The following NISCH variants were observed in gnomAD, a reference collection of about 807,000 sequenced individuals.
NISCH encodes nischarin, also known as I-1 receptor candidate protein.
A neutral mutation model predicts 138.4 loss-of-function variants in NISCH; 55 were observed. The observed-to-expected ratio is 0.40, with a 90% CI of 0.32 to 0.50. NISCH has a LOEUF of 0.50. Among genes scored for constraint, NISCH ranks in the 20% least tolerant of loss-of-function variants. The pLI, the probability that NISCH is intolerant of heterozygous loss-of-function variation, is 0.71. For missense variants in NISCH, 1,643 were observed against 2,005.5 expected, an observed-to-expected ratio of 0.82 and a Z score of 3.45; for synonymous variants, 860 against 861.5, an observed-to-expected ratio of 1.00 and a Z score of 0.03.
chr3:52,460,895 C>T (rs1706612909), intron 3 of NISCH, among the ~76,000 whole-genome samples: 1 of 152,056 alleles, frequency 6.6e-6, no homozygotes, highest in Non-Finnish European at 1.5e-5. Context: ...TCAGGCTCAC[C>T]TTGAAGTAAC....
At chr3:52,481,989 T>C (rs1707289003) in intron 13 of NISCH, 2 of 911,678 alleles carry the variant, frequency 2.2e-6, no homozygotes, top group Admixed American at 1.2e-4. Context: ...GTCTCCGCTC[T>C]ATCCGCTGAG....
chr3:52,461,404 G>T (rs1242082317), intron 3 of NISCH, among the ~76,000 whole-genome samples: 2 of 152,148 alleles, frequency 1.3e-5, no homozygotes, highest in Non-Finnish European at 2.9e-5. Flanking sequence ...TCACAGATGG[G>T]ACCTGTGTAT....
chr3:52,466,393 T>G (rs1706780017), intron 3 of NISCH, among the ~76,000 whole-genome samples: 1 of 151,956 alleles, frequency 6.6e-6, no homozygotes, highest in Non-Finnish European at 1.5e-5. Flanking sequence ...GTGAAACCCC[T>G]TCTTCACTAA....
chr3:52,471,449 G>C, intron 4 of NISCH: 1 of 351,146 alleles, frequency 2.8e-6, no homozygotes, highest in Non-Finnish European at 5.3e-6. Context: ...ATAGGCCTGC[G>C]CCTGACCTGG....
rs183780682 is a variant in NISCH, at chr3:52,490,361, G to A, written c.3613+130G>A. On this transcript the variant is annotated intron_variant, in intron 18 of 20. Transcript: ENST00000345716. Reference sequence around the variant, plus strand: ...GCGACTTGGCTGCAGTGGGCTGAGAGTTCCTTGTCTGAGGAAGGGAGCTGT... The same window carrying A: ...GCGACTTGGCTGCAGTGGGCTGAGAATTCCTTGTCTGAGGAAGGGAGCTGT... The A allele has an allele frequency of 4.8e-6, 5 of 1,040,064 alleles. No homozygotes were observed. In the East Asian group the frequency reaches 1.3e-4, roughly 26 times the overall value. 64.4% of individuals were successfully genotyped at this position (1,040,064 alleles called of 1,614,324 possible).
chr3:52,466,304 G>A (rs982995885), intron 3 of NISCH, among the ~76,000 whole-genome samples: 5 of 152,074 alleles, frequency 3.3e-5, no homozygotes, highest in Admixed American at 6.6e-5. Context: ...GGTGACTCAC[G>A]CCTGTAATCC....
chr3:52,471,722 A>T, intron 4 of NISCH, 92 bp from the exon 5 acceptor site: 1 of 1,429,638 alleles, frequency 7.0e-7, no homozygotes, highest in Non-Finnish European at 9.5e-7. Flanking sequence ...GGTGCTTGCC[A>T]ACTGCTTGTT....
intron 3 of NISCH, among the ~76,000 whole-genome samples, chr3:52,463,801 G>C (rs1056877417): frequency 6.8e-5 from 9 of 132,932 alleles, no homozygotes; most frequent in African/African-American, 2.5e-4. Context: ...CCGGCTCACT[G>C]CAACCTCTGT....
chr3:52,466,623 C>T (rs947745710), intron 3 of NISCH, among the ~76,000 whole-genome samples: 14 of 151,914 alleles, frequency 9.2e-5, no homozygotes, highest in Non-Finnish European at 2.1e-4. Context: ...TGTGTCTCAG[C>T]CACACTTGGG....
intron 9 of NISCH, 114 bp downstream of exon 9, chr3:52,477,756 G>C: frequency 2.4e-6 from 2 of 843,698 alleles, no homozygotes; most frequent in Non-Finnish European, 2.0e-6. Context: ...GGCAGGGGTT[G>C]CTGTCTTCGC....
chr3:52,479,617 GCCTCCT>G (rs1414197202), intron 11 of NISCH, 126 bp from the exon 12 acceptor site: 1 of 692,306 alleles, frequency 1.4e-6, no homozygotes, highest in Non-Finnish European at 2.5e-6. Flanking sequence ...AGGTGCTCAC[GCCTCCT>G]CCTCAGCAGA....
chr3:52,481,142 G>A, intron 13 of NISCH: 3 of 1,246,472 alleles, frequency 2.4e-6, no homozygotes, highest in Non-Finnish European at 3.0e-6. Flanking sequence ...TCTCTTAGAG[G>A]GATAAGATAC....
Position 52,488,496 on chromosome 3 carries a change from C to T in NISCH, c.3004C>T (p.Arg1002Trp), listed in dbSNP as rs548036316. ...FHFLRVYNQL[R>W]ASLQDLKTVV... The stretch of plus-strand genomic sequence containing the variant: ...CTTCCTGCGCGTCTACAACCAGCTG[C>T]GGGCCTCGCTGCAGGACCTGAAGAC... Residue 1002 changes from arginine to tryptophan, a missense_variant, in exon 16 of 21, where the codon CGG (arginine) becomes TGG (tryptophan). Coordinates refer to ENST00000345716, the MANE Select transcript of NISCH (RefSeq NM_007184.4). 8 of 1,613,376 alleles carry T rather than the reference C, an allele frequency of 5.0e-6. No individual in the cohort carries two copies. The South Asian group carries it at 5.5e-5, about 11-fold the overall frequency.
In NISCH at chr3:52,478,251, A is replaced by T; in HGVS notation, c.1142A>T (p.Asn381Ile). The T allele has an allele frequency of 6.2e-7, 1 of 1,614,136 alleles. No homozygotes were observed. The highest frequency in any genetic ancestry group is 8.5e-7 in the Non-Finnish European group (1 of 1,179,986). ...SGLHKLYSLV[N>I]LDLRDNRIEQ... ...CTGCACAAGCTCTACTCACTGGTCA[A>T]CCTGGATCTCCGGGACAACAGGATC... Residue 381 changes from asparagine to isoleucine, a missense_variant, in exon 10 of 21, where the codon AAC (asparagine) becomes ATC (isoleucine). Asn to Ile is a moderately radical substitution (Grantham distance 149). Coordinates refer to ENST00000345716, the MANE Select transcript of NISCH (RefSeq NM_007184.4).
intron 16 of NISCH, 146 bp from the exon 17 acceptor site, chr3:52,489,190 G>C: frequency 3.1e-6 from 3 of 972,256 alleles, no homozygotes; most frequent in Non-Finnish European, 3.1e-6. Context: ...GTGCTGTTCT[G>C]TTCTCCAATA....
intron 17 of NISCH, 108 bp downstream of exon 17, chr3:52,489,786 T>G (rs1578314232): frequency 6.7e-7 from 1 of 1,495,400 alleles, no homozygotes; most frequent in Non-Finnish European, 8.9e-7. Context: ...GATGTCGGAG[T>G]CCTCAGCTGA....
At chr3:52,476,376 A>G in intron 7 of NISCH, 71 bp from the exon 8 acceptor site, 2 of 1,559,900 alleles carry the variant, frequency 1.3e-6, no homozygotes, top group Middle Eastern at 3.4e-4. Flanking sequence ...TAAATTCTGC[A>G]ACGACTGTGT....
At position 52,470,835 on chromosome 3, in the gene NISCH, G is replaced by C. The variant is rs753831013; in HGVS notation, c.361-24G>C. The C allele has an allele frequency of 3.2e-5, 51 of 1,613,760 alleles. No homozygotes were observed. The Middle Eastern group carries it at 8.2e-4, about 26-fold the overall frequency. On this transcript the variant is annotated intron_variant, in intron 3 of 20. Transcript: ENST00000345716. ...GACTGGGGTCAGGTGGACTTTCTAA[G>C]GGCAAATTTTGTGTTCTCTGCAGGA...
chr3:52,464,515 G>A (rs1395246216), intron 3 of NISCH, among the ~76,000 whole-genome samples: 1 of 67,374 alleles, frequency 1.5e-5, no homozygotes, highest in Non-Finnish European at 2.9e-5. Flanking sequence ...TCTGTGAGTT[G>A]TCTTTTTTTT....
Sources: allele counts gnomAD v4.1 joint callset (sites outside exome capture counted in the v4.1 genomes callset), GRCh38; gene constraint gnomAD v4.1.1; transcripts MANE v1.5; gene names NCBI Gene and HGNC (gene_info 2026-07-23, HGNC 2026-07-21).